The following SORCS3 variants were observed in gnomAD, a reference collection of about 807,000 sequenced individuals.
SORCS3 encodes sortilin related VPS10 domain containing receptor 3.
A neutral mutation model predicts 146.3 loss-of-function variants in SORCS3; 57 were observed. The ratio of observed to expected loss-of-function variants is 0.39; its 90% CI spans 0.31 to 0.49. The LOEUF (loss-of-function observed/expected upper bound fraction) is 0.49. SORCS3 is among the 20% of genes least tolerant of loss of function. The pLI is 0.92. For missense variants in SORCS3, 1,341 were observed against 1,575.5 expected, an observed-to-expected ratio of 0.85 and a Z score of 2.52; for synonymous variants, 653 against 618.5, an observed-to-expected ratio of 1.06 and a Z score of -0.83.
At chr10:104,993,782 G>A (rs974865313) in intron 4 of SORCS3, among the ~76,000 whole-genome samples, 2 of 152,096 alleles carry the variant, frequency 1.3e-5, no homozygotes, top group African/African-American at 4.8e-5. Flanking sequence ...TGCTGAAAAT[G>A]CCAGTTTAAT....
At chr10:104,834,400 C>A (rs2018042151) in intron 1 of SORCS3, among the ~76,000 whole-genome samples, 1 of 152,152 alleles carries the variant, frequency 6.6e-6, no homozygotes, top group Non-Finnish European at 1.5e-5. Context: ...TGGGCACATT[C>A]CTGCCTTTGG....
intron 20 of SORCS3, among the ~76,000 whole-genome samples, chr10:105,238,890 C>A (rs1042704597): frequency 1.3e-5 from 2 of 152,080 alleles, no homozygotes; most frequent in African/African-American, 2.4e-5. Flanking sequence ...CATCTTTTCC[C>A]ACCTATTACC....
rs781086739 is a variant in SORCS3, at chr10:105,223,293, T to C, written c.2868+44T>C. 11 of 1,540,350 alleles carry C rather than the reference T, an allele frequency of 7.1e-6. No individual in the cohort carries two copies. In the East Asian group the frequency reaches 2.5e-4, roughly 35 times the overall value. The stretch of plus-strand genomic sequence containing the variant: ...GATGTCAAATTAGATCTGTACTGAA[T>C]GCTCCTATGTTCCAGCTTTTATGTG... On this transcript the variant is annotated intron_variant, in intron 20 of 26. Coordinates refer to ENST00000369701, the MANE Select transcript of SORCS3 (RefSeq NM_014978.3).
At chr10:105,138,082 A>G (rs1288578897) in intron 7 of SORCS3, among the ~76,000 whole-genome samples, 1 of 152,226 alleles carries the variant, frequency 6.6e-6, no homozygotes, top group African/African-American at 2.4e-5. Context: ...AAAAAGTTTT[A>G]AAGTCCTGAA....
At chr10:104,870,491 C>T (rs1370517791) in intron 2 of SORCS3, among the ~76,000 whole-genome samples, 1 of 151,944 alleles carries the variant, frequency 6.6e-6, no homozygotes, top group Non-Finnish European at 1.5e-5. Context: ...AAAGGTAACA[C>T]CTAAAACTGC....
At chr10:105,243,588 G>A (rs2056849273) in intron 20 of SORCS3, among the ~76,000 whole-genome samples, 1 of 152,096 alleles carries the variant, frequency 6.6e-6, no homozygotes, top group Admixed American at 6.5e-5. Context: ...ACACCCATGT[G>A]TGTGTCATCA....
Position 105,156,111 on chromosome 10 carries a change from A to T in SORCS3, c.1483-1027A>T, listed in dbSNP as rs1021037540. Among the ~76,000 whole-genome samples the T allele has an allele frequency of 5.3e-5, 8 of 152,224 alleles. 1 individual carries two copies. Among genetic ancestry groups the T allele is most frequent in the Non-Finnish European group, 1.0e-4 (7 of 68,038 alleles). On this transcript the variant is annotated intron_variant, in intron 9 of 26. Transcript: ENST00000369701. ...AACCATGATACTGGAAGAATGGGGG[A>T]TAAATACAATTAAAACTTTAAGATA...
At chr10:105,046,439 C>G (rs1227820672) in intron 5 of SORCS3, among the ~76,000 whole-genome samples, 1 of 151,998 alleles carries the variant, frequency 6.6e-6, no homozygotes, top group Non-Finnish European at 1.5e-5. Flanking sequence ...GGGATTTGTG[C>G]AGAAGGACAC....
At chr10:104,824,408 T>A (rs2017912465) in intron 1 of SORCS3, among the ~76,000 whole-genome samples, 1 of 152,192 alleles carries the variant, frequency 6.6e-6, no homozygotes, top group Non-Finnish European at 1.5e-5. Flanking sequence ...TGAAAGTGCC[T>A]TAGGTCAGGA....
At chr10:105,004,472 G>A (rs2055081589) in intron 4 of SORCS3, among the ~76,000 whole-genome samples, 1 of 152,116 alleles carries the variant, frequency 6.6e-6, no homozygotes, top group South Asian at 2.1e-4. Context: ...AAGGGGTAGG[G>A]GGTACCGAAC....
intron 2 of SORCS3, among the ~76,000 whole-genome samples, chr10:104,870,982 G>C (rs572413125): frequency 2.6e-5 from 4 of 152,324 alleles, no homozygotes; most frequent in East Asian, 3.9e-4. Context: ...AAGCACAGGA[G>C]TGAGCAGAAA....
chr10:105,073,631 G>A (rs2055571507), intron 5 of SORCS3, among the ~76,000 whole-genome samples: 2 of 152,290 alleles, frequency 1.3e-5, no homozygotes, highest in Non-Finnish European at 1.5e-5. Flanking sequence ...ACTATCTTCA[G>A]TTCTGGGGCA....
chr10:105,046,311 G>A (rs543764389), intron 5 of SORCS3, among the ~76,000 whole-genome samples: 9 of 151,942 alleles, frequency 5.9e-5, no homozygotes, highest in African/African-American at 9.7e-5. Flanking sequence ...GTGACCCTGC[G>A]CAAATATTGT....
intron 1 of SORCS3, among the ~76,000 whole-genome samples, chr10:104,652,445 C>T (rs2015574602): frequency 6.6e-6 from 1 of 152,126 alleles, no homozygotes; most frequent in South Asian, 2.1e-4. Flanking sequence ...TGAGATGGTG[C>T]ACATGGAAGC....
Position 105,102,849 on chromosome 10 carries a change from G to A in SORCS3, c.1094-2548G>A, listed in dbSNP as rs1274787720. ...TCTGTCACCAGGCTGGAGTACCGTG[G>A]CGCGATCTCGGCTCAGTGCAACCTC... On this transcript the variant is annotated intron_variant, in intron 6 of 26. Coordinates refer to ENST00000369701, the MANE Select transcript of SORCS3 (RefSeq NM_014978.3). 3.5e-5 allele frequency among the ~76,000 whole-genome samples: 5 copies of A among 144,304 alleles called. No homozygotes were observed. In the East Asian group the frequency reaches 6.1e-4, roughly 18 times the overall value. 94.7% of individuals were successfully genotyped at this position (144,304 alleles called of 152,430 possible).
intron 13 of SORCS3, among the ~76,000 whole-genome samples, chr10:105,168,331 T>TGATGATGAC (rs2056331899): frequency 6.6e-6 from 1 of 152,156 alleles, no homozygotes; most frequent in African/African-American, 2.4e-5. Flanking sequence ...TAGATGATGA[T>TGATGATGAC]GATGATGACG....
In SORCS3 at chr10:105,067,381, G is replaced by A. The variant is rs540748469; in HGVS notation, c.1029-22394G>A. Among the ~76,000 whole-genome samples the A allele has an allele frequency of 6.4e-4, 98 of 152,238 alleles. 1 individual carries two copies. Among genetic ancestry groups the A allele is most frequent in the African/African-American group, 2.1e-3 (89 of 41,550 alleles). The stretch of plus-strand genomic sequence containing the variant: ...ATGTCTACTAAAAATACAAAAATTA[G>A]CCAGATGTGGTGGCAGGCGCCGGTA... On this transcript the variant is annotated intron_variant, in intron 5 of 26. Coordinates refer to ENST00000369701, the MANE Select transcript of SORCS3 (RefSeq NM_014978.3).
At chr10:105,000,301 A>G (rs2055053344) in intron 4 of SORCS3, among the ~76,000 whole-genome samples, 1 of 151,442 alleles carries the variant, frequency 6.6e-6, no homozygotes, top group African/African-American at 2.4e-5. Flanking sequence ...CCCAAGCCTC[A>G]TGGTACTTAT....
intron 1 of SORCS3, among the ~76,000 whole-genome samples, chr10:104,655,634 G>C (rs760944640): frequency 6.6e-6 from 1 of 152,196 alleles, no homozygotes; most frequent in Non-Finnish European, 1.5e-5. Flanking sequence ...ATTGTTGGAG[G>C]TGGGGCTTGG....
Sources: gnomAD v4.1 joint callset for allele counts (sites outside exome capture counted in the v4.1 genomes callset) on GRCh38, gnomAD v4.1.1 for gene constraint, MANE v1.5 for transcripts, NCBI Gene and HGNC (gene_info 2026-07-23, HGNC 2026-07-21) for gene names.